ZC3H4: variants seen among roughly 807,000 people sequenced by gnomAD.
ZC3H4 encodes zinc finger CCCH-type containing 4.
In ZC3H4, 13 loss-of-function variants were observed where a neutral mutation model predicts 108.3. The observed-to-expected ratio is 0.12, with a 90% CI of 0.08 to 0.19. The LOEUF (loss-of-function observed/expected upper bound fraction) is 0.19. Among genes scored for constraint, ZC3H4 ranks in the 10% least tolerant of loss-of-function variants. ZC3H4 has a pLI of 1.00. For missense variants in ZC3H4, 1,734 were observed against 1,838.8 expected, an observed-to-expected ratio of 0.94 and a Z score of 1.04; for synonymous variants, 917 against 749.6, an observed-to-expected ratio of 1.22 and a Z score of -3.65.
rs1211786398 is a variant in ZC3H4 at position 47,085,367 on chromosome 19, G to A, written c.918C>T (p.Tyr306=). 1.2e-6 allele frequency: 2 copies of A among 1,603,300 alleles called. No homozygotes were observed. Among genetic ancestry groups the A allele is most frequent in the Admixed American group, 1.7e-5 (1 of 58,618 alleles). Residue 306 remains tyrosine (Y), a synonymous_variant, in exon 7 of 15, where the codon TAC becomes TAT. Transcript: ENST00000253048. ...EPMGDDDYDE[Y]SKELNQYRRS... Reference sequence around the variant, plus strand: ...GGCGGTACTGGTTCAGCTCCTTGGAGTACTCGTCATAGTCGTCGTCTCCCA... The same window carrying A: ...GGCGGTACTGGTTCAGCTCCTTGGAATACTCGTCATAGTCGTCGTCTCCCA...
In ZC3H4 at chr19:47,066,866, G is replaced by A. The variant is rs376087151; in HGVS notation, c.3402C>T (p.Gly1134=). 324 of 1,598,518 alleles carry A rather than the reference G, an allele frequency of 2.0e-4. No homozygotes were observed. The highest frequency in any genetic ancestry group is 2.4e-4 in the Non-Finnish European group (282 of 1,179,046). Residue 1134 remains glycine (G), a synonymous_variant, in exon 15 of 15, where the codon GGC becomes GGT. Coordinates refer to ENST00000253048, the MANE Select transcript of ZC3H4 (RefSeq NM_015168.2). ...RVLAAGGLGQ[G]GGGGQSSVLS... is the part of the protein sequence containing the mutation. ...GCACACTGCTCTGCCCGCCCCCTCC[G>A]CCCTGGCCCAGTCCACCGGCCGCCA...
At chr19:47,080,999 C>T (rs1324350637) in intron 11 of ZC3H4, among the ~76,000 whole-genome samples, 2 of 152,096 alleles carry the variant, frequency 1.3e-5, no homozygotes, top group Admixed American at 6.5e-5. Context: ...AACTGATCTG[C>T]CTGCCTTGGC....
Position 47,069,486 on chromosome 19 carries a change from CAG to C in ZC3H4, c.2147-145_2147-144del, listed in dbSNP as rs1040029737. The C allele has an allele frequency of 1.0e-4, 117 of 1,115,828 alleles. 1 individual carries two copies. The highest frequency in any genetic ancestry group is 1.3e-4 in the Non-Finnish European group (107 of 800,226). 69.1% of individuals were successfully genotyped at this position (1,115,828 alleles called of 1,614,324 possible). ...GCCCCTGCCTGCCCTCCCCAGGTCT[CAG>C]GGGAACAGAGCGGCCCATGGGTAGC... On this transcript the variant is annotated intron_variant, in intron 13 of 14. Coordinates refer to ENST00000253048, the MANE Select transcript of ZC3H4 (RefSeq NM_015168.2).
chr19:47,102,185 A>C (rs2057912304), intron 2 of ZC3H4, among the ~76,000 whole-genome samples: 1 of 152,250 alleles, frequency 6.6e-6, no homozygotes, highest in Non-Finnish European at 1.5e-5. Context: ...ACCAAGGCCT[A>C]AACAGGCTCA....
rs2057283965 is a variant in ZC3H4, at chr19:47,069,322, T to A, written c.2168A>T (p.Glu723Val). The change falls in exon 14 of 15, where the codon GAG (glutamate) becomes GTG (valine). Residue 723 changes from glutamate (E) to valine (V), a missense_variant. Glu to Val is a moderately radical substitution (Grantham distance 121). Coordinates refer to ENST00000253048, the MANE Select transcript of ZC3H4 (RefSeq NM_015168.2). ...GTGCTCCCCAGGCTCCCCTGGCAGC[T>A]CTTCGTAGTGCCCGTAGTCCTCTGT... ...GDAEDYGHYE[E>V]LPGEPGEHLF... 6.2e-7 allele frequency: 1 copy of A among 1,613,298 alleles called. No individual in the cohort carries two copies. The highest frequency in any genetic ancestry group is 1.1e-5 in the South Asian group (1 of 90,972).
Position 47,086,505 on chromosome 19 carries a change from C to T in ZC3H4, c.749G>A (p.Arg250Gln), listed in dbSNP as rs746035519. 3 of 1,605,758 alleles carry T rather than the reference C, an allele frequency of 1.9e-6. No homozygotes were observed. The highest frequency in any genetic ancestry group is 2.5e-6 in the Non-Finnish European group (3 of 1,178,744). ...SRGRGRGYRG[R>Q]GSRGGSRGRG... ...GCCTCGCGATCCTCCACGGCTTCCTCGGCCCCTGTAGCCCCGGCCCCGGCC... is the reference window on the plus strand; with the variant it reads ...GCCTCGCGATCCTCCACGGCTTCCTTGGCCCCTGTAGCCCCGGCCCCGGCC... Residue 250 changes from arginine (R) to glutamine (Q), a missense_variant, in exon 6 of 15, where the codon CGA (arginine) becomes CAA (glutamine). Around this residue, in one of 9 missense-constraint regions of ZC3H4, gnomAD observed 403 missense variants for 457.0 expected, o/e 0.88. Coordinates refer to ENST00000253048, the MANE Select transcript of ZC3H4 (RefSeq NM_015168.2).
chr19:47,105,761 A>G (rs968409437), intron 2 of ZC3H4, among the ~76,000 whole-genome samples: 6 of 152,072 alleles, frequency 3.9e-5, no homozygotes, highest in Non-Finnish European at 5.9e-5. Context: ...TCTCCCAAAC[A>G]AAAGTTTCCA....
chr19:47,097,371 A>C (rs2057839550), intron 2 of ZC3H4, among the ~76,000 whole-genome samples: 1 of 152,178 alleles, frequency 6.6e-6, no homozygotes, highest in Non-Finnish European at 1.5e-5. Context: ...GCAACAATAA[A>C]CAGATCACTG....
chr19:47,073,201 A>C (rs954206093), intron 11 of ZC3H4, among the ~76,000 whole-genome samples: 2 of 152,248 alleles, frequency 1.3e-5, no homozygotes, highest in African/African-American at 4.8e-5. Flanking sequence ...TGAACATGGG[A>C]GGCAGAAGCT....
intron 13 of ZC3H4, among the ~76,000 whole-genome samples, 156 bp from the exon 14 acceptor site, chr19:47,069,499 C>T (rs998582662): frequency 2.0e-5 from 3 of 152,192 alleles, no homozygotes; most frequent in East Asian, 1.9e-4. Flanking sequence ...GGGAACAGAG[C>T]GGCCCATGGG....
Position 47,066,887 on chromosome 19 carries a change from C to T in ZC3H4, c.3381G>A (p.Ala1127=), listed in dbSNP as rs766924112. The T allele has an allele frequency of 2.1e-5, 33 of 1,597,852 alleles. 1 individual carries two copies. The highest frequency in any genetic ancestry group is 1.3e-4 in the East Asian group (6 of 44,758). The change falls in exon 15 of 15, where the codon GCG becomes GCA. Residue 1127 remains alanine, a synonymous_variant. Transcript: ENST00000253048. The part of the protein sequence containing the change: ...ATAPYDPRVL[A]AGGLGQGGGG... ...CTCCGCCCTGGCCCAGTCCACCGGCCGCCAGCACGCGGGGGTCGTAGGGAG... is the reference window on the plus strand; with the variant it reads ...CTCCGCCCTGGCCCAGTCCACCGGCTGCCAGCACGCGGGGGTCGTAGGGAG...
At chr19:47,089,805 C>T (rs1215564187) in intron 5 of ZC3H4, among the ~76,000 whole-genome samples, 162 bp downstream of exon 5, 3 of 152,248 alleles carry the variant, frequency 2.0e-5, no homozygotes, top group African/African-American at 7.2e-5. Context: ...AGCGGGTGAT[C>T]TCTCCGGTCT....
At chr19:47,082,905 C>A (rs1002640881) in intron 9 of ZC3H4, among the ~76,000 whole-genome samples, 1 of 152,158 alleles carries the variant, frequency 6.6e-6, no homozygotes, top group Non-Finnish European at 1.5e-5. Flanking sequence ...ACAGTCTCAA[C>A]GACACAATAC....
rs755402752 is a variant in ZC3H4 at position 47,067,218 on chromosome 19, G to A, written c.3050C>T (p.Thr1017Met). ...CTGCCGGGCGTTGGGGGGCCCTGCC[G>A]TGGCAGCGCGGTGCAGCCGGGGGTC... ...TLDPRLHRAA[T>M]AGPPNARQRP... is the part of the protein sequence containing the mutation. The change falls in exon 15 of 15, where the codon ACG (threonine) becomes ATG (methionine). Residue 1017 changes from threonine to methionine, a missense_variant. Physicochemically the swap from Thr to Met is moderately conservative, Grantham distance 81. This residue lies in a region of ZC3H4 where 518 missense variants were observed against 499.6 expected (regional missense o/e 1.04). Transcript: ENST00000253048. This position sits in a 1 kb window ranked among gnomAD's most constrained non-coding sequence, Gnocchi z 6.4. 41 of 1,608,268 alleles carry A rather than the reference G, an allele frequency of 2.5e-5. No homozygotes were observed. The highest frequency in any genetic ancestry group is 1.2e-4 in the South Asian group (11 of 90,742).
chr19:47,082,132 G>A, intron 10 of ZC3H4, 52 bp downstream of exon 10: 1 of 1,416,176 alleles, frequency 7.1e-7, no homozygotes, highest in Non-Finnish European at 1.0e-6. Context: ...CCATCAAGGA[G>A]CAGAGAAGTT....
chr19:47,082,047 A>C, intron 10 of ZC3H4, 137 bp downstream of exon 10: 1 of 767,802 alleles, frequency 1.3e-6, no homozygotes, highest in South Asian at 1.6e-5. Context: ...GTGAGTGTTA[A>C]ATGAGATGGA....
chr19:47,097,395 C>G (rs1348157900), intron 2 of ZC3H4, among the ~76,000 whole-genome samples: 1 of 152,226 alleles, frequency 6.6e-6, no homozygotes, highest in Non-Finnish European at 1.5e-5. Context: ...TCTCAGGGCC[C>G]TCTGGCCATG....
At chr19:47,083,445 G>A (rs1004574116) in intron 9 of ZC3H4, among the ~76,000 whole-genome samples, 3 of 152,100 alleles carry the variant, frequency 2.0e-5, no homozygotes, top group Non-Finnish European at 4.4e-5. Flanking sequence ...AATACTGCCC[G>A]GGCACGGTAG....
intron 4 of ZC3H4, 150 bp from the exon 5 acceptor site, chr19:47,090,339 G>A: frequency 2.4e-6 from 2 of 818,858 alleles, no homozygotes; most frequent in South Asian, 1.8e-5. Flanking sequence ...GCCCCTCTGG[G>A]GACTGGTTCT....
Sources: gnomAD v4.1 joint callset for allele counts (sites outside exome capture counted in the v4.1 genomes callset) on GRCh38, gnomAD v4.1.1 for gene constraint, gnomAD v4.1.1 regional missense constraint, Gnocchi (gnomAD v3.1) non-coding constraint, MANE v1.5 for transcripts, NCBI Gene and HGNC (gene_info 2026-07-23, HGNC 2026-07-21) for gene names.